NCAPG2: variants seen among roughly 807,000 people sequenced by gnomAD.
The protein encoded by NCAPG2 is condensin-2 complex subunit G2.
In NCAPG2, 53 loss-of-function variants were observed where a neutral mutation model predicts 141.1. The observed-to-expected ratio is 0.38, with a 90% CI of 0.30 to 0.47. The LOEUF (loss-of-function observed/expected upper bound fraction) is 0.47. Among genes scored for constraint, NCAPG2 ranks in the 20% least tolerant of loss-of-function variants. The probability of loss-of-function intolerance (pLI) is 0.99; values close to 1 mark genes in which losing one functional copy is unlikely to be tolerated. For synonymous variants in NCAPG2, 499 were observed against 490.7 expected (o/e 1.02, Z -0.22); for missense variants, 1,087 against 1,389.0 (o/e 0.78, Z 3.46).
intron 16 of NCAPG2, among the ~76,000 whole-genome samples, chr7:158,658,756 C>G (rs1587139574): frequency 6.6e-6 from 1 of 152,012 alleles, no homozygotes; most frequent in South Asian, 2.1e-4. Context: ...AAAAACAACA[C>G]TGATGAAATG....
intron 24 of NCAPG2, among the ~76,000 whole-genome samples, chr7:158,650,115 G>A (rs74857617): frequency 9.2e-5 from 14 of 152,146 alleles, no homozygotes; most frequent in Non-Finnish European, 1.6e-4. Context: ...GTCCAATGGC[G>A]TGATCTCAGC....
At chr7:158,655,301 T>C (rs1831824344) in intron 20 of NCAPG2, 38 bp downstream of exon 20, 2 of 1,613,852 alleles carry the variant, frequency 1.2e-6, no homozygotes, top group South Asian at 2.2e-5. Context: ...AAAAGAGCAC[T>C]GTGTATCATC....
At chr7:158,691,606 TAAA>T (rs1835122203) in intron 4 of NCAPG2, among the ~76,000 whole-genome samples, 1 of 152,254 alleles carries the variant, frequency 6.6e-6, no homozygotes, top group South Asian at 2.1e-4. Context: ...AAAGTTTTCT[TAAA>T]AATCATTAAG....
At chr7:158,677,544 A>AC (rs1554566031) in intron 11 of NCAPG2, among the ~76,000 whole-genome samples, 2 of 134,690 alleles carry the variant, frequency 1.5e-5, no homozygotes, top group African/African-American at 5.5e-5. Flanking sequence ...AAAAAAAAAA[A>AC]AAAACAGAAA....
At chr7:158,661,623 G>T (rs1267806702) in intron 16 of NCAPG2, among the ~76,000 whole-genome samples, 1 of 152,154 alleles carries the variant, frequency 6.6e-6, no homozygotes, top group Non-Finnish European at 1.5e-5. Context: ...CACAGAAATG[G>T]TAAGTATGTG....
chr7:158,700,976 C>T (rs1835744234), intron 2 of NCAPG2, among the ~76,000 whole-genome samples: 1 of 152,206 alleles, frequency 6.6e-6, no homozygotes. Flanking sequence ...TCTAGCTCAG[C>T]CCTTTCCCCT....
At chr7:158,653,861 C>T (rs1831690437) in intron 22 of NCAPG2, among the ~76,000 whole-genome samples, 1 of 152,138 alleles carries the variant, frequency 6.6e-6, no homozygotes, top group Admixed American at 6.5e-5. Flanking sequence ...TACTTAAAAA[C>T]CATCCAGAAA....
At chr7:158,647,533 G>A (rs1420498238) in intron 24 of NCAPG2, among the ~76,000 whole-genome samples, 1 of 152,202 alleles carries the variant, frequency 6.6e-6, no homozygotes, top group African/African-American at 2.4e-5. Flanking sequence ...GAAAGTCCAA[G>A]TGCAGAATTC....
At chr7:158,638,608 T>C (rs1218140967) in intron 27 of NCAPG2, among the ~76,000 whole-genome samples, 1 of 152,142 alleles carries the variant, frequency 6.6e-6, no homozygotes, top group East Asian at 1.9e-4. Flanking sequence ...AAAGGGTCAA[T>C]TAATCAAGAA....
At chr7:158,663,679 C>T (rs1283957456) in intron 15 of NCAPG2, among the ~76,000 whole-genome samples, 1 of 152,200 alleles carries the variant, frequency 6.6e-6, no homozygotes, top group East Asian at 1.9e-4. Context: ...ATGTAGTGGG[C>T]ATTGCAAAAT....
chr7:158,640,753 G>A (rs1320142226), intron 27 of NCAPG2: 2 of 152,082 alleles, frequency 1.3e-5, no homozygotes, highest in Non-Finnish European at 2.9e-5. Flanking sequence ...TCAGAATTTG[G>A]ATCAACACAA....
intron 13 of NCAPG2, among the ~76,000 whole-genome samples, chr7:158,665,852 G>A (rs1366909035): frequency 6.6e-6 from 1 of 152,156 alleles, no homozygotes; most frequent in Non-Finnish European, 1.5e-5. Context: ...GACAAAATCT[G>A]CAGCATCTGA....
chr7:158,699,515 C>T (rs1835658234), intron 2 of NCAPG2, among the ~76,000 whole-genome samples: 1 of 152,186 alleles, frequency 6.6e-6, no homozygotes, highest in Non-Finnish European at 1.5e-5. Flanking sequence ...AACTCAGACA[C>T]CTACCAGCTC....
intron 23 of NCAPG2, 44 bp from the exon 24 acceptor site, chr7:158,651,016 G>T (rs1831451679): frequency 6.6e-7 from 1 of 1,518,796 alleles, no homozygotes; most frequent in Non-Finnish European, 8.8e-7. Flanking sequence ...TAAAAACCAT[G>T]GTTTTGAAAA....
Position 158,675,664 on chromosome 7 carries a change from T to G in NCAPG2, c.1147-8A>C, listed in dbSNP as rs774409300. The G allele has an allele frequency of 1.2e-6, 2 of 1,604,336 alleles. No individual in the cohort carries two copies. The highest frequency in any genetic ancestry group is 2.3e-5 in the South Asian group (2 of 88,624). Reference sequence around the variant, plus strand: ...AGGATCTTCTAAAAGGCTCTATAAGTAGGAGGGGAGAAAGGCTTAAAAACC... The same window carrying G: ...AGGATCTTCTAAAAGGCTCTATAAGGAGGAGGGGAGAAAGGCTTAAAAACC... On this transcript the variant is annotated splice_region_variant and splice_polypyrimidine_tract_variant and intron_variant, in intron 11 of 27. Transcript: ENST00000356309.
chr7:158,667,013 A>C (rs1833014361), intron 13 of NCAPG2: 1 of 543,674 alleles, frequency 1.8e-6, no homozygotes, highest in Non-Finnish European at 2.3e-6. Context: ...GTTCCTGCCC[A>C]TAGACAATGC....
Position 158,680,685 on chromosome 7 carries a change from C to T in NCAPG2, c.1020+36G>A, listed in dbSNP as rs1237347914. The T allele has an allele frequency of 3.7e-6, 5 of 1,356,644 alleles. No homozygotes were observed. The East Asian group carries it at 7.5e-5, about 20-fold the overall frequency. The allele number at this position is 1,356,644 out of a possible 1,614,324, so 84.0% of individuals were successfully genotyped here. On this transcript the variant is annotated intron_variant, in intron 10 of 27. Transcript: ENST00000356309. ...GCTAAATTCAAAAGCACAAGTAGTA[C>T]ATTCCAAACACGGATAAACTATTTG...
chr7:158,671,215 G>A (rs1218238090), intron 13 of NCAPG2, among the ~76,000 whole-genome samples: 1 of 151,994 alleles, frequency 6.6e-6, no homozygotes, highest in Non-Finnish European at 1.5e-5. Context: ...CTCCAGAAGT[G>A]CTCACCAGGT....
At chr7:158,689,675 C>T in intron 6 of NCAPG2, 144 bp downstream of exon 6, 1 of 600,898 alleles carries the variant, frequency 1.7e-6, no homozygotes, top group Non-Finnish European at 2.6e-6. Flanking sequence ...CTAGTACTGC[C>T]ATGCAGTAAA....
Sources: gnomAD v4.1 joint callset for allele counts (sites outside exome capture counted in the v4.1 genomes callset) on GRCh38, gnomAD v4.1.1 for gene constraint, MANE v1.5 for transcripts, NCBI Gene and HGNC (gene_info 2026-07-23, HGNC 2026-07-21) for gene names.